PCDHGA1: variants seen among roughly 807,000 people sequenced by gnomAD.
The protein encoded by PCDHGA1 is protocadherin gamma-A1.
A neutral mutation model predicts 58.0 loss-of-function variants in PCDHGA1; 32 were observed. That is an observed-to-expected ratio of 0.55 (90% confidence interval 0.42 to 0.74). PCDHGA1 has a LOEUF of 0.74. Ranked by LOEUF, PCDHGA1 falls within the 30% of genes least tolerant of loss-of-function variation. The pLI is 0.00. For missense variants in PCDHGA1, 1,205 were observed against 1,182.3 expected (o/e 1.02, Z -0.28); for synonymous variants, 498 against 501.1 (o/e 0.99, Z 0.08).
chr5:141,385,482 A>G, intron 1 of PCDHGA1: 3 of 1,423,440 alleles, frequency 2.1e-6, no homozygotes, highest in South Asian at 1.6e-5. Context: ...TTTAATATAG[A>G]ACACATAGGA....
intron 1 of PCDHGA1, chr5:141,423,835 C>T (rs1371309974): frequency 1.2e-5 from 15 of 1,278,290 alleles, no homozygotes; most frequent in African/African-American, 9.4e-5. Flanking sequence ...CATGAGATTA[C>T]GATAATCTTT....
At chr5:141,382,108 G>T (rs1323592761) in intron 1 of PCDHGA1, among the ~76,000 whole-genome samples, 2 of 152,024 alleles carry the variant, frequency 1.3e-5, no homozygotes, top group African/African-American at 4.8e-5. Flanking sequence ...GATTACAGGC[G>T]TGAGCAACAG....
intron 1 of PCDHGA1, chr5:141,428,285 C>G (rs765814584): frequency 1.1e-5 from 8 of 734,934 alleles, no homozygotes; most frequent in Non-Finnish European, 1.7e-5. Context: ...GATTCCCAAG[C>G]AAAGCTGCAG....
At chr5:141,376,685 T>TTTTGTTTTG (rs945381584) in intron 1 of PCDHGA1, 1 of 813,646 alleles carries the variant, frequency 1.2e-6, no homozygotes, top group African/African-American at 1.9e-5. Flanking sequence ...CGTTTTTTTT[T>TTTTGTTTTG]TTTTTTTTTT....
intron 1 of PCDHGA1, among the ~76,000 whole-genome samples, chr5:141,471,992 C>T (rs2099268578): frequency 6.6e-6 from 1 of 152,070 alleles, no homozygotes; most frequent in Non-Finnish European, 1.5e-5. Flanking sequence ...TATTAAAAAT[C>T]CCTGCATCGT....
In PCDHGA1 at chr5:141,399,498, A is replaced by G. The variant is rs539360572; in HGVS notation, c.2421+66393A>G. The G allele has an allele frequency of 1.4e-5, 22 of 1,614,002 alleles. No individual in the cohort carries two copies. The African/African-American group carries it at 2.5e-4, about 19-fold the overall frequency. On this transcript the variant is annotated intron_variant, in intron 1 of 3. Coordinates refer to ENST00000517417, the MANE Select transcript of PCDHGA1 (RefSeq NM_018912.3). Reference sequence around the variant, plus strand: ...ACCAGGCGTCCTACTTAGTCAGTGTACCCGAAAACAACCCTCCTGGGGCCT... The same window carrying G: ...ACCAGGCGTCCTACTTAGTCAGTGTGCCCGAAAACAACCCTCCTGGGGCCT...
chr5:141,428,238 G>A lies in PCDHGA1; in HGVS notation c.2422-66569G>A, dbSNP rs775703660. On this transcript the variant is annotated intron_variant, in intron 1 of 3. Transcript: ENST00000517417. ...TAGTCTTCGCAGACAGCCTGCAGGA[G>A]GCACTGCCAGACTTCAGTGACAGTC... 1.0e-5 allele frequency: 10 copies of A among 998,180 alleles called. No individual in the cohort carries two copies. The South Asian group carries it at 1.3e-4, about 13-fold the overall frequency. The allele number at this position is 998,180 out of a possible 1,614,324, so 61.8% of individuals were successfully genotyped here. A position where few individuals can be genotyped will look rare whatever the true frequency, so the allele number is the denominator to read the frequency against.
intron 1 of PCDHGA1, chr5:141,394,982 C>G (rs754667421): frequency 2.7e-5 from 44 of 1,613,866 alleles, no homozygotes; most frequent in Non-Finnish European, 3.6e-5. Context: ...ACAAGTCACG[C>G]CTGCTCCAGG....
At chr5:141,456,404 G>A (rs935040352) in intron 1 of PCDHGA1, among the ~76,000 whole-genome samples, 4 of 152,104 alleles carry the variant, frequency 2.6e-5, no homozygotes, top group Non-Finnish European at 4.4e-5. Flanking sequence ...TTGCTTCTAG[G>A]CGAGAAGAAA....
intron 1 of PCDHGA1, chr5:141,383,280 T>C (rs1180064294): frequency 6.2e-7 from 1 of 1,613,786 alleles, no homozygotes; most frequent in Non-Finnish European, 8.5e-7. Context: ...TAGATATTAA[T>C]GACAACGTTC....
intron 1 of PCDHGA1, chr5:141,352,712 G>A (rs1182377694): frequency 2.6e-6 from 4 of 1,540,858 alleles, no homozygotes; most frequent in Non-Finnish European, 2.6e-6. Flanking sequence ...TATGGCGGCC[G>A]GGCGCGGTGG....
intron 1 of PCDHGA1, chr5:141,415,300 C>T (rs763286826): frequency 3.1e-6 from 5 of 1,614,222 alleles, no homozygotes; most frequent in East Asian, 4.5e-5. Context: ...CTGCGTCTTC[C>T]TGGCCTTCGT....
intron 1 of PCDHGA1, chr5:141,355,682 A>T: frequency 6.2e-7 from 1 of 1,613,982 alleles, no homozygotes. Context: ...TTTGATCCGG[A>T]TGTAGGTGTA....
chr5:141,374,295 G>A (rs758241355), intron 1 of PCDHGA1: 3 of 1,613,962 alleles, frequency 1.9e-6, no homozygotes, highest in East Asian at 2.2e-5. Context: ...TCCAGAGGTA[G>A]GATGCAGCTT....
At chr5:141,408,912 A>G (rs772751015) in intron 1 of PCDHGA1, 4 of 1,613,594 alleles carry the variant, frequency 2.5e-6, no homozygotes, top group Middle Eastern at 1.6e-4. Flanking sequence ...GATACCAATG[A>G]TAACCCCCCG....
At chr5:141,385,585 C>G (rs1051281848) in intron 1 of PCDHGA1, 41 of 1,267,842 alleles carry the variant, frequency 3.2e-5, no homozygotes, top group Admixed American at 1.9e-4. Context: ...AATCTATGTT[C>G]CAACCTACTT....
At chr5:141,394,893 G>A (rs769819389) in intron 1 of PCDHGA1, 7 of 1,613,858 alleles carry the variant, frequency 4.3e-6, no homozygotes, top group South Asian at 2.2e-5. Context: ...ACTCTATCTC[G>A]TGGTGGCAGT....
At chr5:141,510,799 C>G in intron 3 of PCDHGA1, 148 bp from the exon 4 acceptor site, 1 of 1,481,460 alleles carries the variant, frequency 6.8e-7, no homozygotes. Context: ...TGAAGAGAGA[C>G]TACCTTGGTG....
At chr5:141,404,360 TC>T (rs780435528) in intron 1 of PCDHGA1, 1 of 1,613,900 alleles carries the variant, frequency 6.2e-7, no homozygotes. Context: ...CAGAGGTACT[TC>T]CATCTTCTCC....
Sources: gnomAD v4.1 joint callset for allele counts (sites outside exome capture counted in the v4.1 genomes callset) on GRCh38, gnomAD v4.1.1 for gene constraint, MANE v1.5 for transcripts, NCBI Gene and HGNC (gene_info 2026-07-23, HGNC 2026-07-21) for gene names.